Variants in EFR3B observed in about 807,000 individuals in gnomAD.
EFR3B encodes protein EFR3 homolog B.
Under a neutral mutation model 104.7 loss-of-function variants are expected in EFR3B, and 64 were observed. That is an observed-to-expected ratio of 0.61 (90% CI 0.50 to 0.75). The LOEUF is 0.75. Ranked by LOEUF, EFR3B falls within the 30% of genes least tolerant of loss-of-function variation. The probability of loss-of-function intolerance (pLI) is 0.00; values close to 1 mark genes in which losing one functional copy is unlikely to be tolerated. For missense variants in EFR3B, 750 were observed against 1,078.5 expected, an observed-to-expected ratio of 0.70 and a Z score of 4.27; for synonymous variants, 385 against 417.9, an observed-to-expected ratio of 0.92 and a Z score of 0.96.
intron 19 of EFR3B, among the ~76,000 whole-genome samples, chr2:25,148,739 G>A (rs1440565893): frequency 1.4e-4 from 21 of 149,886 alleles, no homozygotes; most frequent in East Asian, 1.2e-3. Flanking sequence ...CGGCTAAAAC[G>A]GTGAAACCCC....
chr2:25,093,230 C>T, intron 3 of EFR3B, 100 bp downstream of exon 3: 1 of 1,445,644 alleles, frequency 6.9e-7, no homozygotes, highest in Non-Finnish European at 9.2e-7. Context: ...CAGAGTGGCT[C>T]ACGCCTGTAA....
At chr2:25,072,677 T>C (rs1269594458) in intron 1 of EFR3B, among the ~76,000 whole-genome samples, 2 of 152,186 alleles carry the variant, frequency 1.3e-5, no homozygotes, top group Non-Finnish European at 2.9e-5. Flanking sequence ...GCCAGACCCA[T>C]GGCTACCCTT....
At chr2:25,152,107 C>A in intron 21 of EFR3B, 87 bp downstream of exon 21, 1 of 1,369,208 alleles carries the variant, frequency 7.3e-7, no homozygotes, top group Non-Finnish European at 1.0e-6. Context: ...CCTAGGAGAT[C>A]TTGGCTCTTT....
At chr2:25,152,560 A>G (rs913889193) in intron 21 of EFR3B, among the ~76,000 whole-genome samples, 21 of 152,104 alleles carry the variant, frequency 1.4e-4, no homozygotes, top group Middle Eastern at 3.4e-3. Flanking sequence ...TGGCAGGGGG[A>G]TGGAACAGCC....
chr2:25,104,667 C>T (rs1669515925), intron 4 of EFR3B, among the ~76,000 whole-genome samples: 2 of 152,152 alleles, frequency 1.3e-5, no homozygotes, highest in South Asian at 2.1e-4. Context: ...AAAGTGATGT[C>T]CCCAGGACAA....
chr2:25,111,943 C>G (rs959212938), intron 4 of EFR3B, among the ~76,000 whole-genome samples: 52 of 152,340 alleles, frequency 3.4e-4, no homozygotes, highest in African/African-American at 1.2e-3. Context: ...TAAGCGTGTG[C>G]TGTTTTAAGC....
chr2:25,063,204 T>C (rs1434689743), intron 1 of EFR3B, among the ~76,000 whole-genome samples: 2 of 152,090 alleles, frequency 1.3e-5, no homozygotes, highest in Admixed American at 1.3e-4. Flanking sequence ...CCTCCCGAAG[T>C]GCTGGGATTA....
chr2:25,144,686 G>A (rs1214676905), intron 18 of EFR3B, among the ~76,000 whole-genome samples: 1 of 152,250 alleles, frequency 6.6e-6, no homozygotes, highest in Non-Finnish European at 1.5e-5. Flanking sequence ...CATAAGGTGA[G>A]ATATGTATTC....
At chr2:25,049,800 T>C (rs1667815845) in intron 1 of EFR3B, among the ~76,000 whole-genome samples, 1 of 151,546 alleles carries the variant, frequency 6.6e-6, no homozygotes, top group African/African-American at 2.4e-5. Flanking sequence ...GAGCAGAGTT[T>C]AAGTGGAGAA....
At position 25,058,764 on chromosome 2, in the gene EFR3B, GC is replaced by G. The variant is rs35001093; in HGVS notation, c.7+16456del. On this transcript the variant is annotated intron_variant, in intron 1 of 22. Coordinates refer to ENST00000403714, the MANE Select transcript of EFR3B (RefSeq NM_014971.2). Reference sequence around the variant, plus strand: ...ACAGAGTGAGACTCTGTCTCCCCGCGCCCCCCCCCCCAAAAAAAAAAACAAT... The same window carrying G: ...ACAGAGTGAGACTCTGTCTCCCCGCGCCCCCCCCCCAAAAAAAAAAACAAT... 1.3e-3 allele frequency among the ~76,000 whole-genome samples: 138 copies of G among 106,322 alleles called. 2 individuals carry two copies. The highest frequency in any genetic ancestry group is 3.9e-3 in the East Asian group (17 of 4,406). The allele number at this position is 106,322 out of a possible 152,430, so 69.8% of individuals were successfully genotyped here. A position where few individuals can be genotyped will look rare whatever the true frequency, so the allele number is the denominator to read the frequency against.
intron 1 of EFR3B, among the ~76,000 whole-genome samples, chr2:25,047,879 G>A (rs931933638): frequency 4.6e-5 from 7 of 152,176 alleles, no homozygotes; most frequent in Admixed American, 2.0e-4. Context: ...CTGTGATACC[G>A]TTCCTTCTAT....
rs185539054 is a variant in EFR3B at position 25,157,205 on chromosome 2, T to A, written c.*2865T>A. 1 of 152,348 alleles carries A rather than the reference T, an allele frequency of 6.6e-6. No homozygotes were observed. The highest frequency in any genetic ancestry group is 1.9e-4 in the East Asian group (1 of 5,180). 9.4% of individuals were successfully genotyped at this position (152,348 alleles called of 1,614,324 possible). On this transcript the variant is annotated 3_prime_UTR_variant, in exon 23 of 23. Transcript: ENST00000403714. ...AAATGTGCTTCTTTTGAAGAACTGG[T>A]CATTTTTTTTGAGTGCCCTCTTCTC...
At position 25,136,544 on chromosome 2, in the gene EFR3B, C is replaced by G. The variant is rs1220805981; in HGVS notation, c.1506C>G (p.Val502=). ...CCAGTACCCTCAGTGACATCTCTGT[C>G]CTGAAGCTGAAAGTGGACAAGTGCT... is the stretch of plus-strand genomic sequence containing the variant. ...STISTLSDIS[V]LKLKVDKCSR... The change falls in exon 14 of 23, where the codon GTC becomes GTG. Residue 502 remains valine (V), a synonymous_variant. Transcript: ENST00000403714. The surrounding 1 kb of genome is among the most constrained non-coding windows in gnomAD (Gnocchi z 4.0). The G allele has an allele frequency of 6.4e-7, 1 of 1,551,368 alleles. No individual in the cohort carries two copies. Among genetic ancestry groups the G allele is most frequent in the African/African-American group, 1.4e-5 (1 of 73,014 alleles).
In EFR3B at chr2:25,042,339, C is replaced by A; in HGVS notation, c.7+20C>A. ...TGTACGGTAAGGAGGGCTCCGCGCC[C>A]GGGCCCGGGCCCGCGGGGGCGACTC... On this transcript the variant is annotated intron_variant, in intron 1 of 22. Transcript: ENST00000403714. This position sits in a 1 kb window ranked among gnomAD's most constrained non-coding sequence, Gnocchi z 5.4. 1 of 1,258,990 alleles carries A rather than the reference C, an allele frequency of 7.9e-7. No individual in the cohort carries two copies. The highest frequency in any genetic ancestry group is 2.8e-4 in the Middle Eastern group (1 of 3,586). 78.0% of individuals were successfully genotyped at this position (1,258,990 alleles called of 1,614,324 possible). A position where few individuals can be genotyped will look rare whatever the true frequency, so the allele number is the denominator to read the frequency against.
chr2:25,050,096 C>T (rs187259008), intron 1 of EFR3B, among the ~76,000 whole-genome samples: 120 of 150,066 alleles, frequency 8.0e-4, no homozygotes, highest in Non-Finnish European at 7.4e-4. Context: ...TGCCATTGCA[C>T]ACCAGCCTGG....
At chr2:25,052,717 C>G (rs568741991) in intron 1 of EFR3B, among the ~76,000 whole-genome samples, 1 of 151,982 alleles carries the variant, frequency 6.6e-6, no homozygotes, top group East Asian at 1.9e-4. Context: ...GTTGGTCAGG[C>G]TGATCTTGAA....
intron 1 of EFR3B, among the ~76,000 whole-genome samples, chr2:25,059,685 A>G (rs1241478068): frequency 3.3e-5 from 5 of 151,190 alleles, no homozygotes; most frequent in Admixed American, 6.7e-5. Flanking sequence ...CAACAGTGTG[A>G]ATGGACTTCA....
At chr2:25,063,219 C>T (rs1190294735) in intron 1 of EFR3B, among the ~76,000 whole-genome samples, 1 of 152,108 alleles carries the variant, frequency 6.6e-6, no homozygotes, top group Non-Finnish European at 1.5e-5. Context: ...GGATTACAGG[C>T]GTGAGCCACT....
chr2:25,155,439 T>C lies in EFR3B; in HGVS notation c.*1099T>C, dbSNP rs561188984. 1 of 152,362 alleles carries C rather than the reference T, an allele frequency of 6.6e-6. No homozygotes were observed. The highest frequency in any genetic ancestry group is 1.5e-5 in the Non-Finnish European group (1 of 68,076). The allele number at this position is 152,362 out of a possible 1,614,324, so 9.4% of individuals were successfully genotyped here. Reference sequence around the variant, plus strand: ...GGACATCAGCACCACCTGGCAACGCTTGTGGCTTGGGAGGAGCCATGGAGA... The same window carrying C: ...GGACATCAGCACCACCTGGCAACGCCTGTGGCTTGGGAGGAGCCATGGAGA... On this transcript the variant is annotated 3_prime_UTR_variant, in exon 23 of 23. Transcript: ENST00000403714.
Sources: gnomAD v4.1 joint callset for allele counts (sites outside exome capture counted in the v4.1 genomes callset) on GRCh38, gnomAD v4.1.1 for gene constraint, Gnocchi (gnomAD v3.1) non-coding constraint, MANE v1.5 for transcripts, NCBI Gene and HGNC (gene_info 2026-07-23, HGNC 2026-07-21) for gene names.